CHCT1: variants seen among roughly 807,000 people sequenced by gnomAD.
CHCT1 encodes CHD1 helical C-terminal domain containing protein 1.
chr17:60,426,210 T>C, the CHCT1 span: 5 of 1,551,818 alleles, frequency 3.2e-6, no homozygotes, highest in East Asian at 2.4e-5. Flanking sequence ...AAGTTGCACC[T>C]GCCCAGGGAC....
chr17:60,429,447 G>T, the CHCT1 span: 1 of 1,614,244 alleles, frequency 6.2e-7, no homozygotes, highest in Non-Finnish European at 8.5e-7. Context: ...CATGCATGGG[G>T]GCTGCACAGC....
chr17:60,424,933 C>A, the CHCT1 span, among the ~76,000 whole-genome samples: 3 of 152,090 alleles, frequency 2.0e-5, no homozygotes, highest in Non-Finnish European at 2.9e-5. Flanking sequence ...GATAACAGCT[C>A]GAACATTATG....
At chr17:60,427,076 A>G in the CHCT1 span, among the ~76,000 whole-genome samples, 1 of 152,202 alleles carries the variant, frequency 6.6e-6, no homozygotes, top group East Asian at 1.9e-4. Context: ...TTGCCCAGAA[A>G]AGAATTTAAG....
At chr17:60,421,719 A>C in the CHCT1 span, 2 of 796,318 alleles carry the variant, frequency 2.5e-6, no homozygotes, top group South Asian at 1.1e-4. Flanking sequence ...CTGCCCGGCC[A>C]ACTCAGACTA....
At chr17:60,426,542 T>A in the CHCT1 span, 1 of 1,112,946 alleles carries the variant, frequency 9.0e-7, no homozygotes, top group Non-Finnish European at 1.3e-6. Context: ...AGGCGCTCAA[T>A]ACCAGGATAG....
chr17:60,426,734 A>G, the CHCT1 span: 1 of 1,610,968 alleles, frequency 6.2e-7, no homozygotes, highest in East Asian at 2.2e-5. Flanking sequence ...CTGGCGGTTC[A>G]TCTCCCTCTT....
chr17:60,426,574 C>A, the CHCT1 span: 9 of 1,254,392 alleles, frequency 7.2e-6, no homozygotes, highest in African/African-American at 1.5e-5. Flanking sequence ...TTGGGCAAAT[C>A]CCCACCCCTC....
the CHCT1 span, among the ~76,000 whole-genome samples, chr17:60,430,555 A>T: frequency 6.6e-6 from 1 of 152,190 alleles, no homozygotes; most frequent in Non-Finnish European, 1.5e-5. Flanking sequence ...ATCTCAGCTC[A>T]CTGCAACCTC....
At chr17:60,425,499 C>T in the CHCT1 span, among the ~76,000 whole-genome samples, 32,861 of 152,104 alleles carry the variant, frequency 0.22, 8,820 homozygotes, top group African/African-American at 0.64. Flanking sequence ...ACAGAATTTG[C>T]GGGAAGATAA....
the CHCT1 span, chr17:60,429,338 C>G: frequency 6.2e-7 from 1 of 1,607,724 alleles, no homozygotes; most frequent in Non-Finnish European, 8.5e-7. Flanking sequence ...CAACACTCTC[C>G]TTAACACGGA....
At chr17:60,422,577 C>A in the CHCT1 span, 1 of 1,549,730 alleles carries the variant, frequency 6.5e-7, no homozygotes, top group South Asian at 1.2e-5. Context: ...TGGAGCCTAC[C>A]GGCACACCTG....
chr17:60,422,342 C>A, the CHCT1 span: 2 of 912,002 alleles, frequency 2.2e-6, no homozygotes, highest in Non-Finnish European at 3.1e-6. Context: ...CTTCGCTCGA[C>A]CCCGCACATC....
At chr17:60,428,499 T>G in the CHCT1 span, among the ~76,000 whole-genome samples, 8 of 151,892 alleles carry the variant, frequency 5.3e-5, no homozygotes, top group African/African-American at 1.5e-4. Flanking sequence ...TTTTTTTTTT[T>G]TTTTCGAGAC....
the CHCT1 span, chr17:60,422,132 C>G: frequency 3.2e-6 from 1 of 313,916 alleles, no homozygotes; most frequent in Non-Finnish European, 5.5e-6. Flanking sequence ...ACCTCTGTCC[C>G]AAATCAGAAA....
the CHCT1 span, chr17:60,426,115 T>A: frequency 6.5e-7 from 1 of 1,536,450 alleles, no homozygotes; most frequent in Non-Finnish European, 8.8e-7. Flanking sequence ...CCCATCTGCC[T>A]CTTCTTTTCT....
the CHCT1 span, among the ~76,000 whole-genome samples, chr17:60,423,197 T>TC: frequency 7.3e-6 from 1 of 136,830 alleles, no homozygotes; most frequent in East Asian, 2.0e-4. Flanking sequence ...TTCTTTGTTC[T>TC]TTTTTTTTTT....
the CHCT1 span, chr17:60,425,872 C>A: frequency 6.4e-7 from 1 of 1,551,204 alleles, no homozygotes; most frequent in Non-Finnish European, 8.7e-7. Flanking sequence ...TGGATCAGGA[C>A]ACCTTCAAAA....
At chr17:60,421,992 A>G in the CHCT1 span, 2 of 967,966 alleles carry the variant, frequency 2.1e-6, no homozygotes, top group Non-Finnish European at 2.5e-6. Flanking sequence ...TACACCCCCA[A>G]AACACACACA....
the CHCT1 span, chr17:60,429,361 G>A: frequency 4.3e-6 from 7 of 1,612,772 alleles, no homozygotes; most frequent in East Asian, 1.3e-4. Context: ...CTCCATGGCA[G>A]GTGACATTCT....
Sources: gnomAD v4.1 joint callset for allele counts (sites outside exome capture counted in the v4.1 genomes callset) on GRCh38, gnomAD v4.1.1 for gene constraint, MANE v1.5 for transcripts, NCBI Gene and HGNC (gene_info 2026-07-23, HGNC 2026-07-21) for gene names.